The following CCDC110 variants were observed in gnomAD, a reference collection of about 807,000 sequenced individuals.
CCDC110 encodes the protein coiled-coil domain-containing protein 110.
CCDC110 carries 70 observed loss-of-function variants against 77.1 expected under a neutral mutation model. The observed-to-expected ratio is 0.91, with a 90% CI of 0.75 to 1.11. CCDC110 has a LOEUF of 1.11. CCDC110 is among the 50% of genes least tolerant of loss of function. CCDC110 has a pLI of 0.00. For synonymous variants in CCDC110, 295 were observed against 312.5 expected (o/e 0.94, Z 0.59); for missense variants, 868 against 942.9 (o/e 0.92, Z 1.04).
At chr4:185,449,471 T>C (rs1478388148) in intron 6 of CCDC110, 2 of 558,878 alleles carry the variant, frequency 3.6e-6, no homozygotes, top group East Asian at 3.3e-5. Context: ...TGCAGTGAAC[T>C]GTGATTGCAC....
rs150103492 is a variant in CCDC110 at position 185,459,668 on chromosome 4, T to C, written c.919A>G (p.Ile307Val). 1.3e-3 allele frequency: 2,170 copies of C among 1,611,704 alleles called. 5 individuals are homozygous for C. The highest frequency in any genetic ancestry group is 1.7e-3 in the Non-Finnish European group (1,974 of 1,179,316). Residue 307 changes from isoleucine (I) to valine (V), a missense_variant, in exon 6 of 7, where the codon ATA becomes GTA. Physicochemically the swap from Ile to Val is conservative, Grantham distance 29 (BLOSUM62 3). Coordinates refer to ENST00000307588, the MANE Select transcript of CCDC110 (RefSeq NM_152775.4). The part of the protein sequence containing the change: ...ENLDGNLNED[I>V]KSKRISELEA... Reference sequence around the variant, plus strand: ...AATTCTGAAATTCTCTTTGATTTTATATCTTCATTTAAGTTACCGTCCAAG... The same window carrying C: ...AATTCTGAAATTCTCTTTGATTTTACATCTTCATTTAAGTTACCGTCCAAG...
chr4:185,459,626 T>A lies in CCDC110; in HGVS notation c.961A>T (p.Lys321Ter). 6.2e-7 allele frequency: 1 copy of A among 1,612,374 alleles called. No homozygotes were observed. The highest frequency in any genetic ancestry group is 8.5e-7 in the Non-Finnish European group (1 of 1,179,446). The change falls in exon 6 of 7, where the codon AAA becomes TAA. Residue 321 changes from lysine (K) to a stop codon, truncating the protein, a stop_gained. Coordinates refer to ENST00000307588, the MANE Select transcript of CCDC110 (RefSeq NM_152775.4). LOFTEE classifies it high-confidence loss of function. ...RISELEALVK[K>*]LLPFRETVSK... ...ACAGTTTCCCTGAAGGGGAGTAATT[T>A]CTTCACTAATGCCTCTAATTCTGAA...
At position 185,459,966 on chromosome 4, in the gene CCDC110, T is replaced by A; in HGVS notation, c.621A>T (p.Ala207=). 1 of 1,613,760 alleles carries A rather than the reference T, an allele frequency of 6.2e-7. No homozygotes were observed. The highest frequency in any genetic ancestry group is 1.1e-5 in the South Asian group (1 of 91,052). Residue 207 remains alanine (A), a synonymous_variant, in exon 6 of 7, where the codon GCA becomes GCT. Coordinates refer to ENST00000307588, the MANE Select transcript of CCDC110 (RefSeq NM_152775.4). ...CAGCTTGAGACATCACATTTGGAGG[T>A]GCAGTAGGTAGAAAACGATAAAAGT... is the stretch of plus-strand genomic sequence containing the variant. The part of the protein sequence containing the change: ...YNNFYRFLPT[A]PPNVMSQADT...
Position 185,445,528 on chromosome 4 carries a change from T to G in CCDC110, c.2476A>C (p.Lys826Gln), listed in dbSNP as rs2095608125. The change falls in exon 7 of 7, where the codon AAA becomes CAA. Residue 826 changes from lysine (K) to glutamine (Q), a missense_variant. By Grantham distance (53) the Lys-to-Gln change is moderately conservative. Coordinates refer to ENST00000307588, the MANE Select transcript of CCDC110 (RefSeq NM_152775.4). ...TAATGATGCTTGAGAGTTCTGTCTT[T>G]AACTTTGAAATAACCTATGAAAATA... ...ASDLKGYFKV[K>Q]DRTLKHH 6 of 1,575,810 alleles carry G rather than the reference T, an allele frequency of 3.8e-6. No individual in the cohort carries two copies. Among genetic ancestry groups the G allele is most frequent in the Non-Finnish European group, 5.2e-6 (6 of 1,151,284 alleles).
chr4:185,466,247 T>C (rs189164453), intron 2 of CCDC110, among the ~76,000 whole-genome samples: 36 of 152,182 alleles, frequency 2.4e-4, no homozygotes, highest in South Asian at 1.0e-3. Flanking sequence ...TGGTGGCATG[T>C]GCCTGTAATC....
At position 185,461,150 on chromosome 4, in the gene CCDC110, C is replaced by G. The variant is rs201112452; in HGVS notation, c.247G>C (p.Glu83Gln). The change falls in exon 5 of 7, where the codon GAA (glutamate) becomes CAA (glutamine). Residue 83 changes from glutamate (E) to glutamine (Q), a missense_variant. Transcript: ENST00000307588. ...CTTTTGTTCAATATTTCACTGATTT[C>G]CGACTGTACCTTTAAAAGATAAATT... is the stretch of plus-strand genomic sequence containing the variant. ...TLQNVSMVQS[E>Q]ISEILNKSII... The G allele has an allele frequency of 1.2e-4, 180 of 1,515,774 alleles. No individual in the cohort carries two copies. Among genetic ancestry groups the G allele is most frequent in the Non-Finnish European group, 1.5e-4 (170 of 1,108,778 alleles). 93.9% of individuals were successfully genotyped at this position (1,515,774 alleles called of 1,614,324 possible). A position where few individuals can be genotyped will look rare whatever the true frequency, so the allele number is the denominator to read the frequency against.
At chr4:185,445,903 G>A (rs557700457) in intron 6 of CCDC110, among the ~76,000 whole-genome samples, 11 of 152,052 alleles carry the variant, frequency 7.2e-5, no homozygotes, top group South Asian at 2.1e-4. Flanking sequence ...GTACAATGGC[G>A]TGATCTCGGC....
At chr4:185,464,069 T>C (rs1214477288) in intron 2 of CCDC110, among the ~76,000 whole-genome samples, 1 of 152,242 alleles carries the variant, frequency 6.6e-6, no homozygotes, top group Non-Finnish European at 1.5e-5. Flanking sequence ...GTCTGCATGT[T>C]AGGCTGCTTG....
At chr4:185,466,720 C>T (rs2095656950) in intron 2 of CCDC110, among the ~76,000 whole-genome samples, 1 of 152,008 alleles carries the variant, frequency 6.6e-6, no homozygotes, top group Admixed American at 6.6e-5. Flanking sequence ...CAGGTGTGTG[C>T]CACCACATCT....
chr4:185,466,297 C>A (rs1244289595), intron 2 of CCDC110, among the ~76,000 whole-genome samples: 1 of 152,076 alleles, frequency 6.6e-6, no homozygotes, highest in Non-Finnish European at 1.5e-5. Context: ...ATCGTTTGAA[C>A]GTGGGAGGTG....
At chr4:185,467,818 G>A (rs892294115) in intron 2 of CCDC110, among the ~76,000 whole-genome samples, 2 of 152,222 alleles carry the variant, frequency 1.3e-5, no homozygotes, top group Non-Finnish European at 2.9e-5. Context: ...CTCTCTGCAA[G>A]CTTTGTAATT....
At position 185,458,337 on chromosome 4, in the gene CCDC110, T is replaced by C; in HGVS notation, c.2250A>G (p.Val750=). The C allele has an allele frequency of 6.9e-6, 11 of 1,587,636 alleles. No homozygotes were observed. The highest frequency in any genetic ancestry group is 9.4e-6 in the Non-Finnish European group (11 of 1,172,526). The change falls in exon 6 of 7, where the codon GTA becomes GTG. Residue 750 remains valine (V), a synonymous_variant. Transcript: ENST00000307588. The part of the protein sequence containing the change: ...TEDKILLENY[V]RSIENERDTL... ...TATCCCTTTCATTTTCTATGCTTCT[T>C]ACGTAATTTTCTAAAAGTATTTTGT...
In CCDC110 at chr4:185,458,378, T is replaced by C; in HGVS notation, c.2209A>G (p.Ser737Gly). Residue 737 changes from serine to glycine, a missense_variant, in exon 6 of 7, where the codon AGT becomes GGT. Physicochemically the swap from Ser to Gly is moderately conservative, Grantham distance 56 (BLOSUM62 0). Transcript: ENST00000307588. ...QENIKFENSI[S>G]RLTEDKILLE... ...AGTATTTTGTCTTCAGTAAGTCTAC[T>C]GATGCTGTTTTCAAATTTTATATTT... 6.3e-7 allele frequency: 1 copy of C among 1,594,960 alleles called. No homozygotes were observed. The highest frequency in any genetic ancestry group is 1.8e-5 in the Admixed American group (1 of 56,560).
rs1437984882 is a variant in CCDC110, at chr4:185,471,110, G to T, written c.11-61C>A. ...GTCGTGGCGTGGCGGGGCTGAAGGT[G>T]GGGGCGGGGCAGAGGGATGGGGCGG... On this transcript the variant is annotated intron_variant, in intron 1 of 6. Transcript: ENST00000307588. The T allele has an allele frequency of 2.2e-4, 116 of 518,436 alleles. 1 individual carries two copies. Among genetic ancestry groups the T allele is most frequent in the South Asian group, 4.9e-4 (28 of 57,100 alleles). 32.1% of individuals were successfully genotyped at this position (518,436 alleles called of 1,614,324 possible). A position where few individuals can be genotyped will look rare whatever the true frequency, so the allele number is the denominator to read the frequency against.
In CCDC110 at chr4:185,458,772, T is replaced by G; in HGVS notation, c.1815A>C (p.Glu605Asp). The G allele has an allele frequency of 6.2e-7, 1 of 1,610,914 alleles. No homozygotes were observed. The highest frequency in any genetic ancestry group is 8.5e-7 in the Non-Finnish European group (1 of 1,179,332). ...TTATCTCTAGCTGGCTTTCTTTTAG[T>G]TCATTTCCAAGTGAGCTTTTTTCTT... ...LLKEKSSLGNELKESQLEIIQ... is the reference protein window; with the variant it reads ...LLKEKSSLGNDLKESQLEIIQ... The change falls in exon 6 of 7, where the codon GAA (glutamate) becomes GAC (aspartate). Residue 605 changes from glutamate to aspartate, a missense_variant. Physicochemically the swap from Glu to Asp is conservative, Grantham distance 45. Transcript: ENST00000307588.
chr4:185,459,158 CAT>C lies in CCDC110; in HGVS notation c.1427_1428del (p.Tyr476Ter). On this transcript the variant is annotated frameshift_variant, in exon 6 of 7. Coordinates refer to ENST00000307588, the MANE Select transcript of CCDC110 (RefSeq NM_152775.4). LOFTEE classifies it high-confidence loss of function. ...TQSLIQKVET[Y>X]EKQLKNLVEE... is the part of the protein sequence containing the mutation. ...TCAACCAGATTCTTAAGTTGCTTTT[CAT>C]ATGTTTCAACTTTCTGTATGAGAGA... 5 of 1,599,662 alleles carry C rather than the reference CAT, an allele frequency of 3.1e-6. No homozygotes were observed.
chr4:185,466,571 A>AC (rs2095656569), intron 2 of CCDC110, among the ~76,000 whole-genome samples: 1 of 150,390 alleles, frequency 6.6e-6, no homozygotes, highest in African/African-American at 2.5e-5. Context: ...GTCAAGAGGG[A>AC]TTTTTTTTCT....
intron 6 of CCDC110, chr4:185,449,830 G>A (rs559455012): frequency 7.0e-6 from 3 of 430,306 alleles, no homozygotes; most frequent in South Asian, 5.7e-5. Context: ...CTAATAACAC[G>A]TGGTTGTTGA....
chr4:185,451,487 G>A (rs1344374355), intron 6 of CCDC110, among the ~76,000 whole-genome samples: 1 of 152,154 alleles, frequency 6.6e-6, no homozygotes. Flanking sequence ...AGGTTTTAAA[G>A]GAATTTTTCA....
Sources: gnomAD v4.1 joint callset for allele counts (sites outside exome capture counted in the v4.1 genomes callset) on GRCh38, gnomAD v4.1.1 for gene constraint, MANE v1.5 for transcripts, NCBI Gene and HGNC (gene_info 2026-07-23, HGNC 2026-07-21) for gene names.